SNX16: variants seen among roughly 807,000 people sequenced by gnomAD.
SNX16 encodes the protein sorting nexin 16.
SNX16 carries 35 observed loss-of-function variants against 36.7 expected under a neutral mutation model. The ratio of observed to expected loss-of-function variants is 0.95; its 90% confidence interval spans 0.73 to 1.27. The LOEUF (loss-of-function observed/expected upper bound fraction) is 1.27. Ranked by LOEUF, SNX16 falls within the 50% of genes most tolerant of loss-of-function variation. The pLI is 0.00. For synonymous variants in SNX16, 134 were observed against 132.0 expected, an observed-to-expected ratio of 1.02 and a Z score of -0.10; for missense variants, 367 against 393.6, an observed-to-expected ratio of 0.93 and a Z score of 0.57.
Position 81,801,364 on chromosome 8 carries a change from A to T in SNX16, c.*133T>A. 4.4e-6 allele frequency: 2 copies of T among 457,760 alleles called. No individual in the cohort carries two copies. Among genetic ancestry groups the T allele is most frequent in the Non-Finnish European group, 7.6e-6 (2 of 264,296 alleles). 28.4% of individuals were successfully genotyped at this position (457,760 alleles called of 1,614,324 possible). On this transcript the variant is annotated 3_prime_UTR_variant, in exon 8 of 8. Transcript: ENST00000345957. ...CTCAATAACTTAAAAAAACTTCTTT[A>T]TGTAAACTTTATACATGTGCATTCT... is the stretch of plus-strand genomic sequence containing the variant.
intron 1 of SNX16, chr8:81,840,391 G>C (rs1261701772): frequency 6.0e-6 from 1 of 165,306 alleles, no homozygotes; most frequent in Admixed American, 5.7e-5. Flanking sequence ...GTAGGAGAAA[G>C]ATTGGTAAAG....
At chr8:81,811,205 G>A (rs1810229130) in intron 5 of SNX16, among the ~76,000 whole-genome samples, 1 of 152,130 alleles carries the variant, frequency 6.6e-6, no homozygotes, top group African/African-American at 2.4e-5. Context: ...AGACAAAATG[G>A]TAGCCGAAAG....
At chr8:81,841,926 G>A (rs1811808352) in intron 1 of SNX16, 196 bp downstream of exon 1, 1 of 152,200 alleles carries the variant, frequency 6.6e-6, no homozygotes, top group African/African-American at 2.4e-5. Flanking sequence ...CGCCTCCGCT[G>A]ACCGGTGCGC....
Position 81,838,637 on chromosome 8 carries a change from G to A in SNX16, c.375+975C>T, listed in dbSNP as rs1048644561. On this transcript the variant is annotated intron_variant, in intron 2 of 7. Coordinates refer to ENST00000345957, the MANE Select transcript of SNX16 (RefSeq NM_152836.3). ...CCATGGACAAAAATCAATTCTGGTG[G>A]TTTACGAATCTAAATGTGAAAGGTC... Among the ~76,000 whole-genome samples the A allele has an allele frequency of 4.0e-5, 6 of 150,950 alleles. No individual in the cohort carries two copies. In the South Asian group the frequency reaches 1.2e-3, roughly 31 times the overall value.
chr8:81,802,686 T>G (rs1809758287), intron 6 of SNX16, among the ~76,000 whole-genome samples, 187 bp from the exon 7 acceptor site: 1 of 151,818 alleles, frequency 6.6e-6, no homozygotes, highest in Non-Finnish European at 1.5e-5. Flanking sequence ...AAAATGACTT[T>G]AGTATCAATT....
chr8:81,827,153 G>C (rs1006248590), intron 3 of SNX16, among the ~76,000 whole-genome samples: 12 of 152,002 alleles, frequency 7.9e-5, no homozygotes, highest in African/African-American at 2.9e-4. Context: ...GGATCAAGGA[G>C]ATATTTACTA....
intron 5 of SNX16, among the ~76,000 whole-genome samples, chr8:81,806,072 A>T (rs550516569): frequency 6.6e-6 from 1 of 152,370 alleles, no homozygotes; most frequent in African/African-American, 2.4e-5. Flanking sequence ...ATCTACTATA[A>T]GACAAGCTAA....
chr8:81,807,670 G>A (rs537946084), intron 5 of SNX16: 6 of 510,336 alleles, frequency 1.2e-5, no homozygotes, highest in Admixed American at 7.9e-5. Flanking sequence ...CATCCATACA[G>A]AAAAAGTTAA....
At chr8:81,809,439 T>TAA (rs34562465) in intron 5 of SNX16, among the ~76,000 whole-genome samples, 137 of 146,880 alleles carry the variant, frequency 9.3e-4, no homozygotes, top group Admixed American at 2.4e-3. Context: ...TTAATTCTCT[T>TAA]AAAAAAAAAA....
At chr8:81,835,255 G>C (rs1811442426) in intron 2 of SNX16, among the ~76,000 whole-genome samples, 1 of 152,192 alleles carries the variant, frequency 6.6e-6, no homozygotes, top group Non-Finnish European at 1.5e-5. Flanking sequence ...ATAGCACAGG[G>C]ACCCTGGGCC....
intron 3 of SNX16, among the ~76,000 whole-genome samples, chr8:81,824,528 A>T (rs1052638788): frequency 6.6e-6 from 1 of 151,138 alleles, no homozygotes; most frequent in African/African-American, 2.5e-5. Flanking sequence ...GCTTTTTTTT[A>T]GATCATAAAA....
At chr8:81,813,369 C>T (rs551944377) in intron 5 of SNX16, among the ~76,000 whole-genome samples, 7 of 151,300 alleles carry the variant, frequency 4.6e-5, no homozygotes, top group East Asian at 3.9e-4. Flanking sequence ...TTAAACAAAA[C>T]GAACTAAAAA....
chr8:81,807,319 G>C (rs555138109), intron 5 of SNX16, among the ~76,000 whole-genome samples: 56 of 151,878 alleles, frequency 3.7e-4, no homozygotes, highest in African/African-American at 1.3e-3. Context: ...AGGAGTTCAA[G>C]ACCAGTCTGG....
chr8:81,829,296 T>G, intron 3 of SNX16, 134 bp downstream of exon 3: 1 of 337,092 alleles, frequency 3.0e-6, no homozygotes, highest in Non-Finnish European at 5.2e-6. Flanking sequence ...TTTTAAAAAT[T>G]TATTTAAAAA....
At chr8:81,822,941 C>CATATATATATATAT (rs1810819886) in intron 4 of SNX16, among the ~76,000 whole-genome samples, 1 of 50,532 alleles carries the variant, frequency 2.0e-5, no homozygotes, top group Non-Finnish European at 3.5e-5. Context: ...TATATATATA[C>CATATATATATATAT]ATATACATAT....
intron 3 of SNX16, among the ~76,000 whole-genome samples, chr8:81,826,332 C>T (rs1022191096): frequency 1.3e-5 from 2 of 152,038 alleles, no homozygotes; most frequent in African/African-American, 4.8e-5. Context: ...TTTATATGAA[C>T]CTGGAATGTC....
At chr8:81,804,029 C>G (rs117677292) in intron 5 of SNX16, among the ~76,000 whole-genome samples, 1 of 151,406 alleles carries the variant, frequency 6.6e-6, no homozygotes. Context: ...CTCTAAAACA[C>G]CAGGAAGACA....
In SNX16 at chr8:81,839,713, C is replaced by T; in HGVS notation, c.274G>A (p.Asp92Asn). ...GTTTCCGGATTTTGTTCTTCAGTGTCTCTTGGTCTAGTAGAATACTCAATG... is the reference window on the plus strand; with the variant it reads ...GTTTCCGGATTTTGTTCTTCAGTGTTTCTTGGTCTAGTAGAATACTCAATG... The part of the protein sequence containing the change: ...SSIEYSTRPR[D>N]TEEQNPETVN... The change falls in exon 2 of 8, where the codon GAC becomes AAC. Residue 92 changes from aspartate to asparagine, a missense_variant. Coordinates refer to ENST00000345957, the MANE Select transcript of SNX16 (RefSeq NM_152836.3). The T allele has an allele frequency of 6.2e-7, 1 of 1,613,978 alleles. No homozygotes were observed. Among genetic ancestry groups the T allele is most frequent in the African/African-American group, 1.3e-5 (1 of 75,042 alleles).
In SNX16 at chr8:81,839,772, A is replaced by G. The variant is rs1811653035; in HGVS notation, c.215T>C (p.Leu72Pro). ...DNTSSVCSSP[L>P]IRTKFTGTAS... is the part of the protein sequence containing the mutation. ...TGTACCTGTAAATTTAGTCCTAATG[A>G]GGGGACTGCTACAGACAGATGAAGT... Residue 72 changes from leucine to proline, a missense_variant, in exon 2 of 8, where the codon CTC (leucine) becomes CCC (proline). By Grantham distance (98) the Leu-to-Pro change is moderately conservative. Coordinates refer to ENST00000345957, the MANE Select transcript of SNX16 (RefSeq NM_152836.3). The G allele has an allele frequency of 6.2e-7, 1 of 1,613,702 alleles. No homozygotes were observed. Among genetic ancestry groups the G allele is most frequent in the South Asian group, 1.1e-5 (1 of 91,072 alleles).
Sources: gnomAD v4.1 joint callset for allele counts (sites outside exome capture counted in the v4.1 genomes callset) on GRCh38, gnomAD v4.1.1 for gene constraint, MANE v1.5 for transcripts, NCBI Gene and HGNC (gene_info 2026-07-23, HGNC 2026-07-21) for gene names.